The following WDR4 variants were observed in gnomAD, a reference collection of about 807,000 sequenced individuals.
WDR4 encodes WDR4 tRNA N7-guanosine methyltransferase non-catalytic subunit.
WDR4 carries 47 observed loss-of-function variants against 48.6 expected under a neutral mutation model. The observed-to-expected ratio is 0.97, with a 90% CI of 0.77 to 1.23. WDR4 has a LOEUF of 1.23. WDR4 is among the 50% of genes most tolerant of loss of function. The pLI is 0.00. For missense variants in WDR4, 606 were observed against 551.6 expected, an observed-to-expected ratio of 1.10 and a Z score of -0.99; for synonymous variants, 268 against 230.0, an observed-to-expected ratio of 1.17 and a Z score of -1.49.
chr21:42,875,025 G>A (rs766587396), intron 2 of WDR4, among the ~76,000 whole-genome samples: 5 of 151,998 alleles, frequency 3.3e-5, no homozygotes, highest in Non-Finnish European at 5.9e-5. Context: ...TCCCCCGGAC[G>A]CCCAGCTTTA....
Position 42,862,510 on chromosome 21 carries a change from C to T in WDR4, c.454-116G>A, listed in dbSNP as rs1430183853. 12 of 893,448 alleles carry T rather than the reference C, an allele frequency of 1.3e-5. No homozygotes were observed. The highest frequency in any genetic ancestry group is 1.9e-5 in the Non-Finnish European group (11 of 578,392). 55.3% of individuals were successfully genotyped at this position (893,448 alleles called of 1,614,324 possible). On this transcript the variant is annotated intron_variant, in intron 4 of 10. Transcript: ENST00000398208. This position sits in a 1 kb window ranked among gnomAD's most constrained non-coding sequence, Gnocchi z 4.3. ...CTGGCCGCCAAGAGGATGAGGCCTT[C>T]GAGGACAGACCAGCGTGGCTCCTCC...
downstream of WDR4, among the ~76,000 whole-genome samples, chr21:42,848,566 G>A (rs1227677111): frequency 1.9e-5 from 1 of 53,002 alleles, no homozygotes; most frequent in African/African-American, 1.3e-4. Flanking sequence ...ACACGATCAC[G>A]CGGCGCGCAC....
At chr21:42,892,253 C>CAA in the WDR4 span, among the ~76,000 whole-genome samples, 5 of 122,678 alleles carry the variant, frequency 4.1e-5, no homozygotes, top group East Asian at 2.5e-4. Context: ...GACTCCGTCT[C>CAA]AAAAAAAAAA....
At chr21:42,885,659 A>C in the WDR4 span, among the ~76,000 whole-genome samples, 1 of 152,120 alleles carries the variant, frequency 6.6e-6, no homozygotes, top group Non-Finnish European at 1.5e-5. Flanking sequence ...AATTTCCCCC[A>C]AAATCCCTGC....
At position 42,876,848 on chromosome 21, in the gene WDR4, C is replaced by T. The variant is rs1165603138; in HGVS notation, c.90-81G>A. On this transcript the variant is annotated intron_variant, in intron 1 of 10. Transcript: ENST00000398208. ...ATTTTTTTTTTTTGAGACGGAGTTT[C>T]GCTCTCGTTGTCCAGGCTCCAGTAC... 4 of 1,331,714 alleles carry T rather than the reference C, an allele frequency of 3.0e-6. No individual in the cohort carries two copies. The South Asian group carries it at 4.1e-5, about 13-fold the overall frequency. The allele number at this position is 1,331,714 out of a possible 1,614,324, so 82.5% of individuals were successfully genotyped here.
upstream of WDR4, among the ~76,000 whole-genome samples, chr21:42,881,741 A>G (rs905116331): frequency 6.6e-6 from 1 of 152,194 alleles, no homozygotes; most frequent in Non-Finnish European, 1.5e-5. Flanking sequence ...AAATGTCTGT[A>G]GCATGCATAT....
At chr21:42,866,961 A>T (rs1411485401) in intron 3 of WDR4, among the ~76,000 whole-genome samples, 1 of 152,208 alleles carries the variant, frequency 6.6e-6, no homozygotes, top group Non-Finnish European at 1.5e-5. Flanking sequence ...CAAGGTCAGG[A>T]GAAACCCCAA....
intron 6 of WDR4, among the ~76,000 whole-genome samples, chr21:42,857,805 A>AG (rs200981134): frequency 6.6e-6 from 1 of 151,888 alleles, no homozygotes; most frequent in Non-Finnish European, 1.5e-5. Context: ...AGAAAAAAAA[A>AG]CAGAGAATTA....
At chr21:42,873,449 ACTTATCACC>A (rs1601175050) in intron 3 of WDR4, 93 bp downstream of exon 3, 23 of 1,510,602 alleles carry the variant, frequency 1.5e-5, no homozygotes, top group Non-Finnish European at 2.0e-5. Flanking sequence ...CGTGTCAACC[ACTTATCACC>A]CTTATCACCA....
chr21:42,885,222 C>A, the WDR4 span, among the ~76,000 whole-genome samples: 1 of 152,186 alleles, frequency 6.6e-6, no homozygotes, highest in African/African-American at 2.4e-5. Context: ...AAGTCTTCAC[C>A]CTTTTTTCCT....
At chr21:42,854,182 C>T (rs1433722459) in intron 8 of WDR4, among the ~76,000 whole-genome samples, 4 of 152,246 alleles carry the variant, frequency 2.6e-5, no homozygotes, top group Non-Finnish European at 4.4e-5. Flanking sequence ...AGCAGAACTG[C>T]ACTCCACCCC....
At chr21:42,892,225 G>T in the WDR4 span, among the ~76,000 whole-genome samples, 1 of 149,446 alleles carries the variant, frequency 6.7e-6, no homozygotes, top group Non-Finnish European at 1.5e-5. Flanking sequence ...CTGCACGCCA[G>T]CCTGGGCTAC....
At chr21:42,843,261 C>T (rs1870720543) in exon 12 of WDR4, 1 of 151,980 alleles carries the variant, frequency 6.6e-6, no homozygotes, top group Non-Finnish European at 1.5e-5. Context: ...CATAAGTGGT[C>T]CACAGTCGAC....
chr21:42,880,783 A>G (rs1287212074), upstream of WDR4, among the ~76,000 whole-genome samples: 1 of 152,102 alleles, frequency 6.6e-6, no homozygotes, highest in Non-Finnish European at 1.5e-5. Context: ...GCAAATTGTG[A>G]GCCCACAGAC....
chr21:42,857,916 C>T (rs1215901975), intron 6 of WDR4, among the ~76,000 whole-genome samples: 1 of 152,076 alleles, frequency 6.6e-6, no homozygotes, highest in Non-Finnish European at 1.5e-5. Flanking sequence ...GCTGGCAAAA[C>T]CCCATCACTA....
rs754801016 is a variant in WDR4, at chr21:42,852,340, A to G, written c.976-16T>C. Reference sequence around the variant, plus strand: ...CAGGAACAGACTGCAGGCGACAAACAGGAAATCTTCATCAGAAAGAGGCAG... The same window carrying G: ...CAGGAACAGACTGCAGGCGACAAACGGGAAATCTTCATCAGAAAGAGGCAG... On this transcript the variant is annotated splice_polypyrimidine_tract_variant and intron_variant, in intron 9 of 10. Coordinates refer to ENST00000398208, the MANE Select transcript of WDR4 (RefSeq NM_018669.6). 17 of 1,613,446 alleles carry G rather than the reference A, an allele frequency of 1.1e-5. No individual in the cohort carries two copies. In the East Asian group the frequency reaches 3.6e-4, roughly 34 times the overall value.
chr21:42,850,344 G>C (rs914194099), intron 10 of WDR4, 102 bp from the exon 11 acceptor site: 7 of 1,128,810 alleles, frequency 6.2e-6, no homozygotes, highest in Non-Finnish European at 7.4e-6. Context: ...GTGACTCCCA[G>C]AGTCCTCGGT....
At position 42,862,170 on chromosome 21, in the gene WDR4, G is replaced by T; in HGVS notation, c.566+112C>A. The T allele has an allele frequency of 1.1e-6, 1 of 929,872 alleles. No homozygotes were observed. The highest frequency in any genetic ancestry group is 1.6e-6 in the Non-Finnish European group (1 of 618,940). The allele number at this position is 929,872 out of a possible 1,614,324, so 57.6% of individuals were successfully genotyped here. A position where few individuals can be genotyped will look rare whatever the true frequency, so the allele number is the denominator to read the frequency against. The stretch of plus-strand genomic sequence containing the variant: ...TGACCAAACACCAAGCACGGGGGCT[G>T]CTGTCACCCGCGTGGGGCCTCGCCA... On this transcript the variant is annotated intron_variant, in intron 5 of 10. Transcript: ENST00000398208. This position sits in a 1 kb window ranked among gnomAD's most constrained non-coding sequence, Gnocchi z 4.3.
chr21:42,876,260 C>T (rs2058490406), intron 2 of WDR4, among the ~76,000 whole-genome samples: 1 of 139,546 alleles, frequency 7.2e-6, no homozygotes, highest in Non-Finnish European at 1.5e-5. Context: ...ATTCCCCAGG[C>T]TGGAGTGCAA....
Sources: gnomAD v4.1 joint callset for allele counts (sites outside exome capture counted in the v4.1 genomes callset) on GRCh38, gnomAD v4.1.1 for gene constraint, Gnocchi (gnomAD v3.1) non-coding constraint, MANE v1.5 for transcripts, NCBI Gene and HGNC (gene_info 2026-07-23, HGNC 2026-07-21) for gene names.